Variants in MAML2 observed in about 807,000 individuals in gnomAD.
The protein encoded by MAML2 is mastermind like transcriptional coactivator 2, also known as mastermind-like protein 2.
A neutral mutation model predicts 96.1 loss-of-function variants in MAML2; 22 were observed. The observed-to-expected ratio is 0.23, with a 90% CI of 0.16 to 0.33. MAML2 has a LOEUF of 0.33. MAML2 is among the 10% of genes least tolerant of loss of function. The pLI is 1.00. For synonymous variants in MAML2, 561 were observed against 521.3 expected (o/e 1.08, Z -1.04); for missense variants, 1,367 against 1,392.4 (o/e 0.98, Z 0.29).
chr11:96,163,993 G>C (rs1861154017), intron 1 of MAML2, among the ~76,000 whole-genome samples: 1 of 151,330 alleles, frequency 6.6e-6, no homozygotes, highest in Non-Finnish European at 1.5e-5. Context: ...CTCCTGAGTA[G>C]CTGGGACTAC....
intron 1 of MAML2, among the ~76,000 whole-genome samples, chr11:96,335,350 C>T (rs1002641166): frequency 2.0e-5 from 3 of 152,194 alleles, no homozygotes; most frequent in South Asian, 2.1e-4. Context: ...GACTGATTTA[C>T]ACATCAAGAG....
chr11:96,000,137 T>A (rs1217316974), intron 2 of MAML2, among the ~76,000 whole-genome samples: 2 of 152,094 alleles, frequency 1.3e-5, no homozygotes, highest in Non-Finnish European at 2.9e-5. Flanking sequence ...AATTGAGCAG[T>A]TGTTGTTTAA....
intron 1 of MAML2, among the ~76,000 whole-genome samples, chr11:96,197,017 A>T (rs983859359): frequency 1.3e-5 from 2 of 151,948 alleles, no homozygotes; most frequent in African/African-American, 4.8e-5. Context: ...GGCAGTAGGT[A>T]TTTGAGGGCA....
intron 2 of MAML2, among the ~76,000 whole-genome samples, chr11:96,080,068 A>G (rs1859508199): frequency 6.6e-6 from 1 of 152,238 alleles, no homozygotes; most frequent in East Asian, 1.9e-4. Context: ...AAGAATTATA[A>G]TTACAGTGTA....
intron 1 of MAML2, among the ~76,000 whole-genome samples, chr11:96,270,863 C>G (rs1278777384): frequency 6.6e-6 from 1 of 152,094 alleles, no homozygotes; most frequent in East Asian, 1.9e-4. Context: ...ACATTTGAGT[C>G]AGTGGATCGG....
chr11:96,054,009 T>C (rs1859026359), intron 2 of MAML2, among the ~76,000 whole-genome samples: 1 of 152,154 alleles, frequency 6.6e-6, no homozygotes, highest in Non-Finnish European at 1.5e-5. Flanking sequence ...GTTTTACTGT[T>C]TTATATTCCA....
intron 1 of MAML2, among the ~76,000 whole-genome samples, chr11:96,305,300 G>A (rs760093599): frequency 4.6e-5 from 7 of 152,134 alleles, no homozygotes; most frequent in Non-Finnish European, 1.0e-4. Flanking sequence ...ATATTTATCA[G>A]AGCCCACAGA....
intron 1 of MAML2, among the ~76,000 whole-genome samples, chr11:96,113,617 A>AAAAGAAAAGAAAAAAAAG (rs1860173871): frequency 1.4e-5 from 2 of 142,616 alleles, no homozygotes; most frequent in Admixed American, 1.4e-4. Flanking sequence ...AAAAAAAAAA[A>AAAAGAAAAGAAAAAAAAG]AGAAAAGAAA....
intron 1 of MAML2, among the ~76,000 whole-genome samples, chr11:96,339,416 G>A (rs1863960831): frequency 6.6e-6 from 1 of 152,210 alleles, no homozygotes; most frequent in Non-Finnish European, 1.5e-5. Context: ...GGCTGTCTCA[G>A]CTTACTGCCA....
intron 2 of MAML2, among the ~76,000 whole-genome samples, chr11:96,036,118 T>G (rs1444859101): frequency 6.6e-6 from 1 of 152,140 alleles, no homozygotes; most frequent in African/African-American, 2.4e-5. Flanking sequence ...GTGGAAAACA[T>G]AGCTATTCTT....
chr11:96,002,636 T>C (rs1199851166), intron 2 of MAML2, among the ~76,000 whole-genome samples: 2 of 140,410 alleles, frequency 1.4e-5, no homozygotes, highest in Admixed American at 7.1e-5. Flanking sequence ...ATGATGATGA[T>C]GGGGATGATG....
chr11:96,126,910 G>GCA (rs1860448511), intron 1 of MAML2, among the ~76,000 whole-genome samples: 3 of 152,242 alleles, frequency 2.0e-5, no homozygotes, highest in Non-Finnish European at 2.9e-5. Context: ...GGACATGGGG[G>GCA]GGGTCAAATG....
intron 1 of MAML2, among the ~76,000 whole-genome samples, chr11:96,182,244 A>G (rs1438852513): frequency 6.6e-6 from 1 of 152,236 alleles, no homozygotes; most frequent in South Asian, 2.1e-4. Context: ...GTAATGTTCT[A>G]CAAATATCGA....
intron 3 of MAML2, among the ~76,000 whole-genome samples, chr11:95,990,373 A>T (rs981267900): frequency 6.6e-6 from 1 of 152,040 alleles, no homozygotes; most frequent in Non-Finnish European, 1.5e-5. Flanking sequence ...GTGCACACTC[A>T]ATACCTTGGC....
At chr11:96,291,477 A>G (rs1309833442) in intron 1 of MAML2, among the ~76,000 whole-genome samples, 3 of 152,040 alleles carry the variant, frequency 2.0e-5, no homozygotes, top group Non-Finnish European at 4.4e-5. Flanking sequence ...AGTCTTAGTT[A>G]TATTGTTGGA....
intron 1 of MAML2, among the ~76,000 whole-genome samples, chr11:96,171,803 G>A (rs1255957668): frequency 4.6e-5 from 7 of 152,242 alleles, no homozygotes; most frequent in Admixed American, 2.0e-4. Flanking sequence ...GGGCAAAGGA[G>A]GTTGTGCATT....
At chr11:96,005,757 T>C (rs554110811) in intron 2 of MAML2, among the ~76,000 whole-genome samples, 2 of 152,342 alleles carry the variant, frequency 1.3e-5, no homozygotes, top group South Asian at 4.1e-4. Flanking sequence ...GTTCTGACTT[T>C]TCTCAACTAA....
At chr11:96,068,198 T>A (rs1859273552) in intron 2 of MAML2, among the ~76,000 whole-genome samples, 1 of 152,102 alleles carries the variant, frequency 6.6e-6, no homozygotes, top group South Asian at 2.1e-4. Context: ...TCAATTAAAT[T>A]AGCTGTTTTC....
In MAML2 at chr11:96,245,401, C is replaced by T. The variant is rs762436043; in HGVS notation, c.513+95982G>A. Reference sequence around the variant, plus strand: ...GAATTTTGTTTCCCAAGTAAGAGCTCACATGGAACTTGGTCATTAAACCTT... The same window carrying T: ...GAATTTTGTTTCCCAAGTAAGAGCTTACATGGAACTTGGTCATTAAACCTT... On this transcript the variant is annotated intron_variant, in intron 1 of 4. Transcript: ENST00000524717. Among the ~76,000 whole-genome samples, 14 of 152,206 alleles carry T rather than the reference C, an allele frequency of 9.2e-5. 1 individual carries two copies. Among genetic ancestry groups the T allele is most frequent in the Non-Finnish European group, 2.1e-4 (14 of 68,000 alleles).
Sources: allele counts gnomAD v4.1 joint callset (sites outside exome capture counted in the v4.1 genomes callset), GRCh38; gene constraint gnomAD v4.1.1; transcripts MANE v1.5; gene names NCBI Gene and HGNC (gene_info 2026-07-23, HGNC 2026-07-21).